ZNF841: variants seen among roughly 807,000 people sequenced by gnomAD.
ZNF841 encodes the protein zinc finger protein 841.
In ZNF841, 11 loss-of-function variants were observed where a neutral mutation model predicts 13.0. The observed-to-expected ratio is 0.85, with a 90% CI of 0.53 to 1.40. The LOEUF is 1.40. Ranked by LOEUF, ZNF841 falls within the 40% of genes most tolerant of loss-of-function variation. The pLI, the probability that ZNF841 is intolerant of heterozygous loss-of-function variation, is 0.00. For synonymous variants in ZNF841, 369 were observed against 381.6 expected, an observed-to-expected ratio of 0.97 and a Z score of 0.38; for missense variants, 1,068 against 1,139.5, an observed-to-expected ratio of 0.94 and a Z score of 0.90.
intron 5 of ZNF841, 98 bp downstream of exon 5, chr19:52,076,860 C>T (rs1295861024): frequency 6.9e-7 from 1 of 1,448,776 alleles, no homozygotes; most frequent in African/African-American, 1.4e-5. Context: ...AGGCTTCAGT[C>T]TCTGTCAAAT....
chr19:52,084,309 G>C (rs1025487194), intron 4 of ZNF841, among the ~76,000 whole-genome samples: 4 of 152,134 alleles, frequency 2.6e-5, no homozygotes, highest in African/African-American at 9.7e-5. Flanking sequence ...GAGTTAGAAA[G>C]AGTGACTGAT....
Position 52,065,103 on chromosome 19 carries a change from T to C in ZNF841, c.*4A>G. The C allele has an allele frequency of 2.7e-6, 4 of 1,502,128 alleles. No individual in the cohort carries two copies. The highest frequency in any genetic ancestry group is 3.5e-6 in the Non-Finnish European group (4 of 1,127,744). 93.0% of individuals were successfully genotyped at this position (1,502,128 alleles called of 1,614,324 possible). A position where few individuals can be genotyped will look rare whatever the true frequency, so the allele number is the denominator to read the frequency against. On this transcript the variant is annotated 3_prime_UTR_variant, in exon 7 of 7. Transcript: ENST00000594440. ...AATATACAAGCTATATGAGTAAGTA[T>C]AAATTATTTGGGGATCCCAGAGGTT... is the stretch of plus-strand genomic sequence containing the variant.
At chr19:52,074,238 G>C (rs989099908) in intron 6 of ZNF841, among the ~76,000 whole-genome samples, 1 of 151,952 alleles carries the variant, frequency 6.6e-6, no homozygotes, top group African/African-American at 2.4e-5. Flanking sequence ...ATAAAACAAA[G>C]AAAACTGAGT....
chr19:52,084,955 A>T (rs2088222142), intron 3 of ZNF841, 77 bp from the exon 4 acceptor site: 2 of 767,910 alleles, frequency 2.6e-6, no homozygotes, highest in Non-Finnish European at 4.1e-6. Context: ...CCCACAGGGA[A>T]GGCCTCAGCA....
At chr19:52,081,868 A>G (rs1042043339) in intron 4 of ZNF841, among the ~76,000 whole-genome samples, 2 of 152,184 alleles carry the variant, frequency 1.3e-5, no homozygotes, top group Non-Finnish European at 2.9e-5. Flanking sequence ...AAACAAAAGA[A>G]AGAAAAAAAG....
chr19:52,066,566 T>A lies in ZNF841; in HGVS notation c.1316A>T (p.Tyr439Phe). The A allele has an allele frequency of 6.2e-7, 1 of 1,613,600 alleles. No individual in the cohort carries two copies. The highest frequency in any genetic ancestry group is 1.1e-5 in the South Asian group (1 of 91,038). ...GTGCCTTACAAGTTGTGAATTCTGATAAAAGACCTTGCCACATACATCACA... is the reference window on the plus strand; with the variant it reads ...GTGCCTTACAAGTTGTGAATTCTGAAAAAAGACCTTGCCACATACATCACA... ...YTCDVCGKVF[Y>F]QNSQLVRHQI... The change falls in exon 7 of 7, where the codon TAT becomes TTT. Residue 439 changes from tyrosine to phenylalanine, a missense_variant. Transcript: ENST00000594440.
chr19:52,091,763 T>C (rs950758432), intron 2 of ZNF841, among the ~76,000 whole-genome samples: 18 of 152,224 alleles, frequency 1.2e-4, no homozygotes, highest in African/African-American at 3.9e-4. Flanking sequence ...CTCCTTGACA[T>C]TGATCTTGGC....
intron 4 of ZNF841, among the ~76,000 whole-genome samples, chr19:52,080,398 T>C (rs561883173): frequency 1.1e-4 from 17 of 152,286 alleles, no homozygotes; most frequent in African/African-American, 3.1e-4. Context: ...GAAGGAAAAT[T>C]TGAAGCATCC....
In ZNF841 at chr19:52,090,647, G is replaced by GA. The variant is rs1372382553; in HGVS notation, c.-143-1646dup. ...AGAAAGAAAGAAGGAAGGAAGGAAG[G>GA]AAGGAAGGAAAGAAAGAAAGAAAGA... On this transcript the variant is annotated intron_variant, in intron 2 of 6. Coordinates refer to ENST00000594440, the MANE Select transcript of ZNF841 (RefSeq NM_001136499.2). 4.7e-3 allele frequency among the ~76,000 whole-genome samples: 559 copies of GA among 120,202 alleles called. 5 individuals carry two copies. Among genetic ancestry groups the GA allele is most frequent in the African/African-American group, 0.019 (521 of 27,556 alleles). The allele number at this position is 120,202 out of a possible 152,430, so 78.9% of individuals were successfully genotyped here. A position where few individuals can be genotyped will look rare whatever the true frequency, so the allele number is the denominator to read the frequency against.
rs776758972 is a variant in ZNF841 at position 52,076,054 on chromosome 19, G to A, written c.261C>T (p.Gly87=). The change falls in exon 6 of 7, where the codon GGC becomes GGT. Residue 87 remains glycine (G), a synonymous_variant. Coordinates refer to ENST00000594440, the MANE Select transcript of ZNF841 (RefSeq NM_001136499.2). ...CATCTGAGCTCTTACCGGTGATCAC[G>A]CCTTTCATGCATTCCCCACAGTTTG... ...RNPNCGECMK[G]VITGISPKCV... 2.4e-5 allele frequency: 38 copies of A among 1,552,436 alleles called. No homozygotes were observed. The highest frequency in any genetic ancestry group is 2.4e-4 in the Admixed American group (12 of 51,032).
rs2123203138 is a variant in ZNF841 at position 52,065,528 on chromosome 19, C to T, written c.2354G>A (p.Ser785Asn). ...RYRSGLARHW[S>N]IHTGEKPYKC... Reference sequence around the variant, plus strand: ...GTAAGGTTTCTCTCCAGTATGAATACTCCAATGACGTGCGAGGCCTGAGCG... The same window carrying T: ...GTAAGGTTTCTCTCCAGTATGAATATTCCAATGACGTGCGAGGCCTGAGCG... Residue 785 changes from serine (S) to asparagine (N), a missense_variant, in exon 7 of 7, where the codon AGT becomes AAT. Transcript: ENST00000594440. 1 of 1,613,430 alleles carries T rather than the reference C, an allele frequency of 6.2e-7. No homozygotes were observed. Among genetic ancestry groups the T allele is most frequent in the Non-Finnish European group, 8.5e-7 (1 of 1,179,806 alleles).
In ZNF841 at chr19:52,067,504, A is replaced by G; in HGVS notation, c.378T>C (p.Thr126=). 1 of 1,586,904 alleles carries G rather than the reference A, an allele frequency of 6.3e-7. No homozygotes were observed. Among genetic ancestry groups the G allele is most frequent in the Non-Finnish European group, 8.6e-7 (1 of 1,164,448 alleles). The change falls in exon 7 of 7, where the codon ACT becomes ACC. Residue 126 remains threonine (T), a synonymous_variant. Coordinates refer to ENST00000594440, the MANE Select transcript of ZNF841 (RefSeq NM_001136499.2). The part of the protein sequence containing the change: ...VMLEGHESYD[T]ENFYFREIRK... Reference sequence around the variant, plus strand: ...GGATTTCCCTGAAGTAAAAATTTTCAGTGTCATAGCTTTCATGTCCTTCCA... The same window carrying G: ...GGATTTCCCTGAAGTAAAAATTTTCGGTGTCATAGCTTTCATGTCCTTCCA...
rs761072240 is a variant in ZNF841 at position 52,065,224 on chromosome 19, G to T, written c.2658C>A (p.Tyr886Ter). 1 of 1,613,426 alleles carries T rather than the reference G, an allele frequency of 6.2e-7. No homozygotes were observed. Among genetic ancestry groups the T allele is most frequent in the Non-Finnish European group, 8.5e-7 (1 of 1,179,676 alleles). Residue 886 changes from tyrosine to a stop codon, truncating the protein, a stop_gained, in exon 7 of 7, where the codon TAC becomes TAA. Transcript: ENST00000594440. LOFTEE classifies it low-confidence loss of function (END_TRUNC). The part of the protein sequence containing the change: ...PYKCNECGKS[Y>*]ISRSGLTKHQ... ...GTTTAGTGAGGCCTGAGCGACTAAT[G>T]TAAGATTTGCCACACTCATTACATT...
Position 52,066,147 on chromosome 19 carries a change from TGAA to T in ZNF841, c.1732_1734del (p.Phe578del). On this transcript the variant is annotated inframe_deletion, in exon 7 of 7. Coordinates refer to ENST00000594440, the MANE Select transcript of ZNF841 (RefSeq NM_001136499.2). ...TGACGTGCTAGGCATGAATAGTAAG[TGAA>T]GACCATGCCACATTTATTACAATGG... The T allele has an allele frequency of 1.9e-6, 3 of 1,614,030 alleles. No individual in the cohort carries two copies. Among genetic ancestry groups the T allele is most frequent in the Non-Finnish European group, 2.5e-6 (3 of 1,179,938 alleles).
chr19:52,073,230 C>T (rs1433165527), intron 6 of ZNF841, among the ~76,000 whole-genome samples: 4 of 151,690 alleles, frequency 2.6e-5, no homozygotes. Context: ...ATTAAGTCTT[C>T]AAGCTACAAA....
chr19:52,066,557 G>A lies in ZNF841; in HGVS notation c.1325C>T (p.Ser442Leu), dbSNP rs528358581. 2 of 1,613,512 alleles carry A rather than the reference G, an allele frequency of 1.2e-6. No homozygotes were observed. Among genetic ancestry groups the A allele is most frequent in the African/African-American group, 2.7e-5 (2 of 75,006 alleles). Residue 442 changes from serine to leucine, a missense_variant, in exon 7 of 7, where the codon TCA (serine) becomes TTA (leucine). Transcript: ENST00000594440. ...AATTATCTGGTGCCTTACAAGTTGT[G>A]AATTCTGATAAAAGACCTTGCCACA... ...DVCGKVFYQN[S>L]QLVRHQIIHT...
chr19:52,059,306 C>T, the ZNF841 span, among the ~76,000 whole-genome samples: 26 of 141,200 alleles, frequency 1.8e-4, no homozygotes, highest in Middle Eastern at 0.024. Flanking sequence ...GCTGAGATCG[C>T]GCCGCTGCAC....
downstream of ZNF841, among the ~76,000 whole-genome samples, chr19:52,063,125 T>C (rs1343632426): frequency 6.6e-6 from 1 of 152,134 alleles, no homozygotes; most frequent in Non-Finnish European, 1.5e-5. Context: ...TCTGCCTGCC[T>C]CGGCCTCCCA....
chr19:52,067,162 A>T lies in ZNF841; in HGVS notation c.720T>A (p.Asn240Lys). The T allele has an allele frequency of 6.4e-7, 1 of 1,553,468 alleles. No homozygotes were observed. The highest frequency in any genetic ancestry group is 8.7e-7 in the Non-Finnish European group (1 of 1,147,688). Residue 240 changes from asparagine (N) to lysine (K), a missense_variant, in exon 7 of 7, where the codon AAT (asparagine) becomes AAA (lysine). Transcript: ENST00000594440. ...VQTNISRKYG[N>K]DFLQLSLPTQ... ...TAGGTAACGAAAGTTGCAAAAAATC[A>T]TTCCCATATTTCCTAGAAATGTTGG... is the stretch of plus-strand genomic sequence containing the variant.
Sources: gnomAD v4.1 joint callset for allele counts (sites outside exome capture counted in the v4.1 genomes callset) on GRCh38, gnomAD v4.1.1 for gene constraint, MANE v1.5 for transcripts, NCBI Gene and HGNC (gene_info 2026-07-23, HGNC 2026-07-21) for gene names.